Variants in UNC13C observed in about 807,000 individuals in gnomAD.
UNC13C encodes the protein protein unc-13 homolog C.
Under a neutral mutation model 245.4 loss-of-function variants are expected in UNC13C, and 174 were observed. That is an observed-to-expected ratio of 0.71 (90% confidence interval 0.63 to 0.80). The LOEUF (loss-of-function observed/expected upper bound fraction) is 0.80. UNC13C is among the 30% of genes least tolerant of loss of function. The pLI, the probability that UNC13C is intolerant of heterozygous loss-of-function variation, is 0.00. For missense variants in UNC13C, 2,829 were observed against 2,602.9 expected (o/e 1.09, Z -1.89); for synonymous variants, 992 against 895.1 (o/e 1.11, Z -1.93).
At chr15:54,535,657 C>A (rs1895954392) in intron 26 of UNC13C, among the ~76,000 whole-genome samples, 1 of 152,056 alleles carries the variant, frequency 6.6e-6, no homozygotes, top group South Asian at 2.1e-4. Flanking sequence ...TACTCTCAAA[C>A]AACAGTACAA....
chr15:54,435,109 G>A (rs1051335049), intron 19 of UNC13C, among the ~76,000 whole-genome samples: 2 of 152,102 alleles, frequency 1.3e-5, no homozygotes, highest in African/African-American at 4.8e-5. Flanking sequence ...TGGAAAAATA[G>A]GAATGCTTTT....
intron 4 of UNC13C, among the ~76,000 whole-genome samples, chr15:54,223,196 C>T (rs759671421): frequency 1.3e-5 from 2 of 151,700 alleles, no homozygotes; most frequent in Admixed American, 6.6e-5. Context: ...GAGTTTCCCA[C>T]ATTTTCTTCT....
chr15:54,486,828 A>G (rs563927502), intron 19 of UNC13C, among the ~76,000 whole-genome samples: 1 of 152,270 alleles, frequency 6.6e-6, no homozygotes, highest in Admixed American at 6.5e-5. Context: ...ATCTACCTGT[A>G]TACTGCTTCC....
At chr15:54,249,156 G>A (rs2036074140) in intron 7 of UNC13C, among the ~76,000 whole-genome samples, 3 of 151,954 alleles carry the variant, frequency 2.0e-5, no homozygotes, top group Non-Finnish European at 2.9e-5. Flanking sequence ...CTGCTTTGTG[G>A]GATATGAGAA....
At chr15:54,403,661 G>A (rs2040233533) in intron 18 of UNC13C, among the ~76,000 whole-genome samples, 1 of 132,862 alleles carries the variant, frequency 7.5e-6, no homozygotes, top group Admixed American at 9.1e-5. Flanking sequence ...AGGCTGCAGT[G>A]AGCCAAGGCA....
chr15:54,274,740 C>T (rs1201930149), intron 10 of UNC13C, among the ~76,000 whole-genome samples: 6 of 137,416 alleles, frequency 4.4e-5, no homozygotes, highest in African/African-American at 1.1e-4. Context: ...GGCGCGATCT[C>T]GGCTCAATGC....
chr15:54,344,755 A>T (rs2038821376), intron 17 of UNC13C, among the ~76,000 whole-genome samples: 1 of 152,132 alleles, frequency 6.6e-6, no homozygotes, highest in African/African-American at 2.4e-5. Context: ...CTGTCTTCAA[A>T]TTCTAATTAT....
At chr15:54,371,959 A>G (rs62012037) in intron 17 of UNC13C, among the ~76,000 whole-genome samples, 5,970 of 152,122 alleles carry the variant, frequency 0.039, 185 homozygotes, top group African/African-American at 0.083. Context: ...GATTGGGGAG[A>G]TCATGTCCTT....
chr15:54,099,450 AC>A (rs1052722870), intron 2 of UNC13C, among the ~76,000 whole-genome samples: 1 of 152,102 alleles, frequency 6.6e-6, no homozygotes, highest in Non-Finnish European at 1.5e-5. Flanking sequence ...CTCTCCAGCA[AC>A]CCTGCTGTAT....
At chr15:54,331,363 T>C (rs1293155172) in intron 14 of UNC13C, among the ~76,000 whole-genome samples, 1 of 152,086 alleles carries the variant, frequency 6.6e-6, no homozygotes, top group African/African-American at 2.4e-5. Flanking sequence ...AAAAGCTCTT[T>C]ATTCTCACCA....
the UNC13C span, among the ~76,000 whole-genome samples, chr15:53,924,248 GAGAT>G: frequency 8.6e-5 from 8 of 93,090 alleles, no homozygotes; most frequent in South Asian, 3.1e-4. Context: ...AACAAAAAAA[GAGAT>G]AGCACGGCAC....
At chr15:54,612,637 T>C (rs559269513) in intron 30 of UNC13C, among the ~76,000 whole-genome samples, 7 of 152,012 alleles carry the variant, frequency 4.6e-5, no homozygotes, top group Non-Finnish European at 8.8e-5. Context: ...ACTCCATTCA[T>C]TTACTCTAAT....
the UNC13C span, among the ~76,000 whole-genome samples, chr15:53,967,344 GTTTTGTTTTT>G: frequency 1.2e-4 from 18 of 149,526 alleles, no homozygotes; most frequent in Non-Finnish European, 7.4e-5. Context: ...GTTTTGTTTT[GTTTTGTTTTT>G]TTTCGAATCG....
Position 54,404,470 on chromosome 15 carries a change from G to T in UNC13C, c.4848-10512G>T, listed in dbSNP as rs188087605. Among the ~76,000 whole-genome samples the T allele has an allele frequency of 9.3e-4, 142 of 152,196 alleles. 1 individual carries two copies. The highest frequency in any genetic ancestry group is 1.5e-3 in the Non-Finnish European group (99 of 67,960). ...TGCTGCAAATTAAAAACAGGAGACA[G>T]TCACATAATGGTGGAATGGATCAGT... On this transcript the variant is annotated intron_variant, in intron 18 of 32. Transcript: ENST00000260323.
intron 10 of UNC13C, among the ~76,000 whole-genome samples, chr15:54,291,663 C>T (rs1445243968): frequency 4.6e-5 from 7 of 152,010 alleles, no homozygotes; most frequent in East Asian, 1.9e-4. Context: ...TTTTCTAAGA[C>T]AAGTGTTATT....
At chr15:53,959,090 T>G in the UNC13C span, among the ~76,000 whole-genome samples, 1 of 152,140 alleles carries the variant, frequency 6.6e-6, no homozygotes, top group Non-Finnish European at 1.5e-5. Flanking sequence ...CATAATCACC[T>G]CCAGTTCCAT....
At chr15:53,925,504 A>G in the UNC13C span, among the ~76,000 whole-genome samples, 1 of 152,314 alleles carries the variant, frequency 6.6e-6, no homozygotes, top group African/African-American at 2.4e-5. Context: ...AACTCACTTT[A>G]GAGCTTTAGT....
At chr15:54,427,499 A>T (rs1402216014) in intron 19 of UNC13C, among the ~76,000 whole-genome samples, 2 of 151,798 alleles carry the variant, frequency 1.3e-5, no homozygotes, top group African/African-American at 4.8e-5. Flanking sequence ...AAACAGGCTA[A>T]AACAGTATAT....
chr15:53,869,175 A>G, the UNC13C span, among the ~76,000 whole-genome samples: 1 of 152,188 alleles, frequency 6.6e-6, no homozygotes, highest in Non-Finnish European at 1.5e-5. Context: ...ACCCTGGATC[A>G]TGATCTGGGA....
Sources: gnomAD v4.1 joint callset for allele counts (sites outside exome capture counted in the v4.1 genomes callset) on GRCh38, gnomAD v4.1.1 for gene constraint, MANE v1.5 for transcripts, NCBI Gene and HGNC (gene_info 2026-07-23, HGNC 2026-07-21) for gene names.